LRMDA: variants seen among roughly 807,000 people sequenced by gnomAD.
LRMDA encodes the protein leucine rich melanocyte differentiation associated, also known as leucine-rich melanocyte differentiation-associated protein.
A neutral mutation model predicts 29.8 loss-of-function variants in LRMDA; 18 were observed. That is an observed-to-expected ratio of 0.60 (90% CI 0.42 to 0.90). LRMDA has a LOEUF of 0.90. Ranked by LOEUF, LRMDA falls within the 40% of genes least tolerant of loss-of-function variation. The pLI is 0.00. For missense variants in LRMDA, 273 were observed against 273.9 expected (o/e 1.00, Z 0.02); for synonymous variants, 125 against 109.4 (o/e 1.14, Z -0.89).
At position 76,422,491 on chromosome 10, in the gene LRMDA, CATT is replaced by C. The variant is rs1842080928; in HGVS notation, c.601+98008_601+98010del. 2.6e-5 allele frequency among the ~76,000 whole-genome samples: 4 copies of C among 152,236 alleles called. No homozygotes were observed. In the South Asian group the frequency reaches 8.3e-4, roughly 32 times the overall value. On this transcript the variant is annotated intron_variant, in intron 6 of 6. Coordinates refer to ENST00000611255, the MANE Select transcript of LRMDA (RefSeq NM_001305581.2). ...CTTGAATTTGAGGCTAAATCATCCA[CATT>C]ACAAAGACAGAAACCCAGCCCCGCC...
At chr10:75,591,994 G>C (rs899107233) in intron 2 of LRMDA, among the ~76,000 whole-genome samples, 3 of 151,956 alleles carry the variant, frequency 2.0e-5, no homozygotes, top group African/African-American at 7.3e-5. Context: ...GGAGCAGGGG[G>C]CATGTTTAGG....
At chr10:75,918,301 TA>T (rs1341400414) in intron 2 of LRMDA, among the ~76,000 whole-genome samples, 2 of 152,124 alleles carry the variant, frequency 1.3e-5, no homozygotes, top group Non-Finnish European at 2.9e-5. Flanking sequence ...TTTATTTTTT[TA>T]AAAAGAGCCT....
intron 5 of LRMDA, among the ~76,000 whole-genome samples, chr10:76,257,132 T>C (rs1436219646): frequency 1.3e-5 from 2 of 152,210 alleles, no homozygotes; most frequent in Non-Finnish European, 2.9e-5. Flanking sequence ...ATCTCTAATA[T>C]ATTTGAATAA....
intron 6 of LRMDA, among the ~76,000 whole-genome samples, chr10:76,503,881 TC>T (rs1842935416): frequency 2.0e-5 from 3 of 150,582 alleles, no homozygotes; most frequent in Non-Finnish European, 3.0e-5. Context: ...TGGGGTTGGT[TC>T]TTTTTTTTTT....
At chr10:76,402,489 C>T (rs930153547) in intron 6 of LRMDA, among the ~76,000 whole-genome samples, 2 of 152,082 alleles carry the variant, frequency 1.3e-5, no homozygotes, top group African/African-American at 4.8e-5. Context: ...GTAGCTGGGA[C>T]TACAGGCGTG....
intron 2 of LRMDA, among the ~76,000 whole-genome samples, chr10:76,034,798 T>C (rs1848212996): frequency 6.6e-6 from 1 of 152,136 alleles, no homozygotes. Flanking sequence ...TCACATTTTA[T>C]AGAATAGCCC....
chr10:76,330,956 C>T (rs1232286239), intron 6 of LRMDA, among the ~76,000 whole-genome samples: 1 of 152,146 alleles, frequency 6.6e-6, no homozygotes, highest in Non-Finnish European at 1.5e-5. Flanking sequence ...TGCCTACTGC[C>T]TCTTGGTTAT....
intron 2 of LRMDA, among the ~76,000 whole-genome samples, chr10:75,863,682 C>G (rs115442079): frequency 0.011 from 1,636 of 152,230 alleles, 35 homozygotes; most frequent in African/African-American, 0.038. Context: ...ATGCTGGACA[C>G]TGGAAATTAT....
intron 6 of LRMDA, among the ~76,000 whole-genome samples, chr10:76,396,036 A>G (rs1369521563): frequency 6.6e-6 from 1 of 152,162 alleles, no homozygotes; most frequent in Non-Finnish European, 1.5e-5. Context: ...ATTGGAATTG[A>G]TGAGTTAGTT....
chr10:76,154,644 C>A (rs1850504926), intron 5 of LRMDA, among the ~76,000 whole-genome samples: 2 of 152,180 alleles, frequency 1.3e-5, no homozygotes, highest in Admixed American at 1.3e-4. Flanking sequence ...AGGGGTCTGC[C>A]TTTATGATCA....
intron 6 of LRMDA, among the ~76,000 whole-genome samples, chr10:76,432,947 G>C (rs186776235): frequency 7.4e-4 from 112 of 152,340 alleles, no homozygotes; most frequent in Non-Finnish European, 1.2e-3. Context: ...CCTAATGGCA[G>C]CTGTGATTAT....
intron 5 of LRMDA, among the ~76,000 whole-genome samples, chr10:76,153,126 AC>A (rs1425720058): frequency 6.6e-6 from 1 of 152,156 alleles, no homozygotes; most frequent in African/African-American, 2.4e-5. Context: ...GGCATGAGCC[AC>A]CACGCCTGGC....
chr10:76,460,883 C>A (rs1589196845), intron 6 of LRMDA, among the ~76,000 whole-genome samples: 1 of 152,198 alleles, frequency 6.6e-6, no homozygotes, highest in East Asian at 1.9e-4. Context: ...TTAAAGAAAG[C>A]AACTGCAAAG....
intron 2 of LRMDA, among the ~76,000 whole-genome samples, chr10:75,714,712 G>T (rs1052516993): frequency 6.6e-6 from 1 of 152,106 alleles, no homozygotes; most frequent in South Asian, 2.1e-4. Context: ...GAGAAACTTT[G>T]ATCTAATTGG....
At chr10:76,009,859 C>G (rs1431983986) in intron 2 of LRMDA, among the ~76,000 whole-genome samples, 1 of 151,914 alleles carries the variant, frequency 6.6e-6, no homozygotes, top group African/African-American at 2.4e-5. Flanking sequence ...CTCCCCCAGC[C>G]CCTCATTTCA....
intron 6 of LRMDA, among the ~76,000 whole-genome samples, chr10:76,513,303 T>C (rs1843026675): frequency 6.6e-6 from 1 of 152,228 alleles, no homozygotes; most frequent in African/African-American, 2.4e-5. Flanking sequence ...CTAATTGGCA[T>C]CCTTTTTACT....
chr10:75,673,336 A>G (rs1348634944), intron 2 of LRMDA, among the ~76,000 whole-genome samples: 2 of 152,248 alleles, frequency 1.3e-5, no homozygotes, highest in Non-Finnish European at 2.9e-5. Context: ...CGCTCCTGAA[A>G]TGCTAAAATC....
At chr10:76,090,284 G>A (rs1035485766) in intron 5 of LRMDA, among the ~76,000 whole-genome samples, 3 of 152,166 alleles carry the variant, frequency 2.0e-5, no homozygotes, top group Admixed American at 2.0e-4. Flanking sequence ...GTGGGCAGCT[G>A]CCGTGAAGCC....
intron 2 of LRMDA, among the ~76,000 whole-genome samples, chr10:75,490,335 A>AT (rs1844970138): frequency 1.6e-5 from 1 of 61,576 alleles, no homozygotes; most frequent in African/African-American, 8.5e-5. Flanking sequence ...ACATGTACAC[A>AT]TACACACACA....
Sources: gnomAD v4.1 joint callset for allele counts (sites outside exome capture counted in the v4.1 genomes callset) on GRCh38, gnomAD v4.1.1 for gene constraint, MANE v1.5 for transcripts, NCBI Gene and HGNC (gene_info 2026-07-23, HGNC 2026-07-21) for gene names.